TMEM14A: variants seen among roughly 807,000 people sequenced by gnomAD.
TMEM14A encodes the protein transmembrane protein 14A.
In TMEM14A, 8 loss-of-function variants were observed where a neutral mutation model predicts 11.6. The observed-to-expected ratio is 0.69, with a 90% CI of 0.40 to 1.24. The LOEUF is 1.24. Ranked by LOEUF, TMEM14A falls within the 50% of genes most tolerant of loss-of-function variation. TMEM14A has a pLI of 0.01. For synonymous variants in TMEM14A, 34 were observed against 45.5 expected, an observed-to-expected ratio of 0.75 and a Z score of 1.02; for missense variants, 108 against 121.9, an observed-to-expected ratio of 0.89 and a Z score of 0.54.
rs180831940 is a variant in TMEM14A at position 52,675,455 on chromosome 6, T to A, written c.-16-1632T>A. Among the ~76,000 whole-genome samples the A allele has an allele frequency of 2.3e-3, 345 of 151,894 alleles. 1 individual carries two copies. The highest frequency in any genetic ancestry group is 8.1e-3 in the African/African-American group (335 of 41,364). ...CTATTCTCCTAACTTGCAGGGAGAG[T>A]TGAGGGTGAGGGAGGGGCATGGTCT... On this transcript the variant is annotated intron_variant, in intron 1 of 4. Transcript: ENST00000211314.
intron 1 of TMEM14A, among the ~76,000 whole-genome samples, chr6:52,674,751 T>A (rs1026622194): frequency 6.6e-6 from 1 of 152,174 alleles, no homozygotes; most frequent in African/African-American, 2.4e-5. Context: ...TAATTCTCCT[T>A]CCTGCAGATG....
chr6:52,680,641 G>GTA (rs1279508539), intron 2 of TMEM14A, among the ~76,000 whole-genome samples: 1 of 19,158 alleles, frequency 5.2e-5, no homozygotes, highest in Non-Finnish European at 1.2e-4. Context: ...ATATATGTGT[G>GTA]TATATATATG....
At chr6:52,675,932 A>G (rs1392642527) in intron 1 of TMEM14A, among the ~76,000 whole-genome samples, 2 of 152,218 alleles carry the variant, frequency 1.3e-5, no homozygotes, top group Non-Finnish European at 2.9e-5. Context: ...TTAGGAGGTA[A>G]TTAATAAGGG....
intron 2 of TMEM14A, 125 bp downstream of exon 2, chr6:52,677,297 G>C (rs1265000271): frequency 9.6e-7 from 1 of 1,036,502 alleles, no homozygotes; most frequent in African/African-American, 1.6e-5. Context: ...GAAGACCAGC[G>C]TGTCTTGGAA....
At chr6:52,672,818 G>C (rs1308025223) in intron 1 of TMEM14A, among the ~76,000 whole-genome samples, 1 of 152,176 alleles carries the variant, frequency 6.6e-6, no homozygotes, top group African/African-American at 2.4e-5. Flanking sequence ...TACTGCAACA[G>C]CTTCCCGATT....
chr6:52,671,996 G>A (rs1340862245), intron 1 of TMEM14A, among the ~76,000 whole-genome samples: 1 of 152,192 alleles, frequency 6.6e-6, no homozygotes, highest in African/African-American at 2.4e-5. Flanking sequence ...GAATCTTCTT[G>A]CAAGCATTGG....
intron 4 of TMEM14A, 22 bp from the exon 5 acceptor site, chr6:52,685,988 C>T: frequency 1.2e-6 from 2 of 1,609,136 alleles, no homozygotes; most frequent in Non-Finnish European, 1.7e-6. Context: ...CTCCCTTTGT[C>T]TTTGTTTTAT....
intron 1 of TMEM14A, among the ~76,000 whole-genome samples, chr6:52,675,214 A>G (rs1486573804): frequency 6.6e-6 from 1 of 152,198 alleles, no homozygotes; most frequent in Non-Finnish European, 1.5e-5. Flanking sequence ...TTTATTACCA[A>G]TTGATAATGG....
At chr6:52,680,691 G>GTATATATATATA (rs1554137475) in intron 2 of TMEM14A, among the ~76,000 whole-genome samples, 1 of 35,318 alleles carries the variant, frequency 2.8e-5, no homozygotes, top group Non-Finnish European at 6.8e-5. Context: ...ATACATATAT[G>GTATATATATATA]TATATATATA....
rs144482835 is a variant in TMEM14A, at chr6:52,684,635, A to G, written c.260+470A>G. On this transcript the variant is annotated intron_variant, in intron 4 of 4. Transcript: ENST00000211314. ...TTTAAAAGATAAACAGAGGGCCTCA[A>G]GTTTCTCTTAATTTGATCCAGTAAT... Among the ~76,000 whole-genome samples the G allele has an allele frequency of 2.6e-5, 4 of 152,366 alleles. No individual in the cohort carries two copies. The East Asian group carries it at 7.7e-4, about 29-fold the overall frequency.
At chr6:52,675,225 G>A (rs914960679) in intron 1 of TMEM14A, among the ~76,000 whole-genome samples, 1 of 152,110 alleles carries the variant, frequency 6.6e-6, no homozygotes, top group African/African-American at 2.4e-5. Context: ...TTGATAATGG[G>A]AGATAAAAGG....
chr6:52,684,009 C>A, intron 3 of TMEM14A, 69 bp from the exon 4 acceptor site: 1 of 1,404,070 alleles, frequency 7.1e-7, no homozygotes, highest in Non-Finnish European at 1.0e-6. Context: ...TTAAATGGTA[C>A]CCGCTGTTTT....
In TMEM14A at chr6:52,686,163, C is replaced by A; in HGVS notation, c.*114C>A. On this transcript the variant is annotated 3_prime_UTR_variant, in exon 5 of 5. Coordinates refer to ENST00000211314, the MANE Select transcript of TMEM14A (RefSeq NM_014051.4). ...TATGGAATGCTAGAAACACAAATAG[C>A]ACTGTCACCTCTAATATGAACATTA... 1.0e-6 allele frequency: 1 copy of A among 998,330 alleles called. No homozygotes were observed. The highest frequency in any genetic ancestry group is 1.5e-6 in the Non-Finnish European group (1 of 688,402). 61.8% of individuals were successfully genotyped at this position (998,330 alleles called of 1,614,324 possible). A position where few individuals can be genotyped will look rare whatever the true frequency, so the allele number is the denominator to read the frequency against.
intron 1 of TMEM14A, among the ~76,000 whole-genome samples, chr6:52,675,276 A>T (rs977992189): frequency 6.6e-6 from 1 of 152,248 alleles, no homozygotes; most frequent in Admixed American, 6.5e-5. Flanking sequence ...AATTGTAAAA[A>T]TATGCAAGGA....
At chr6:52,680,669 GTATA>G (rs749318698) in intron 2 of TMEM14A, among the ~76,000 whole-genome samples, 5 of 35,968 alleles carry the variant, frequency 1.4e-4, no homozygotes, top group African/African-American at 3.9e-4. Context: ...ATATATATGT[GTATA>G]TATATATATA....
At chr6:52,683,989 T>C (rs1769444562) in intron 3 of TMEM14A, 89 bp from the exon 4 acceptor site, 1 of 1,218,386 alleles carries the variant, frequency 8.2e-7, no homozygotes, top group Non-Finnish European at 1.2e-6. Context: ...AGTTGTAATG[T>C]TAGAAAGCTT....
At chr6:52,676,134 T>G (rs1440441423) in intron 1 of TMEM14A, among the ~76,000 whole-genome samples, 1 of 152,178 alleles carries the variant, frequency 6.6e-6, no homozygotes, top group East Asian at 1.9e-4. Context: ...ATTGAACAGC[T>G]GAGAGTATGG....
chr6:52,685,936 G>A (rs373936719), intron 4 of TMEM14A, 74 bp from the exon 5 acceptor site: 27 of 1,443,978 alleles, frequency 1.9e-5, no homozygotes, highest in East Asian at 1.6e-4. Flanking sequence ...CTGGGTAGGC[G>A]AGTGCATGGC....
chr6:52,674,194 A>G (rs115132124), intron 1 of TMEM14A, among the ~76,000 whole-genome samples: 1 of 142,740 alleles, frequency 7.0e-6, no homozygotes, highest in African/African-American at 2.5e-5. Context: ...AAAGATAATA[A>G]GTAGGATCAA....
Sources: gnomAD v4.1 joint callset for allele counts (sites outside exome capture counted in the v4.1 genomes callset) on GRCh38, gnomAD v4.1.1 for gene constraint, MANE v1.5 for transcripts, NCBI Gene and HGNC (gene_info 2026-07-23, HGNC 2026-07-21) for gene names.